Variants in FMN1 observed in about 807,000 individuals in gnomAD.
The protein encoded by FMN1 is formin-1.
In FMN1, 110 loss-of-function variants were observed where a neutral mutation model predicts 132.4. That is an observed-to-expected ratio of 0.83 (90% CI 0.71 to 0.97). The LOEUF is 0.97. FMN1 is among the 50% of genes least tolerant of loss of function. The pLI is 0.00. For missense variants in FMN1, 1,792 were observed against 1,705.3 expected, an observed-to-expected ratio of 1.05 and a Z score of -0.90; for synonymous variants, 722 against 651.7, an observed-to-expected ratio of 1.11 and a Z score of -1.64.
intron 15 of FMN1, among the ~76,000 whole-genome samples, chr15:32,891,858 G>T (rs1412081612): frequency 1.3e-5 from 2 of 151,994 alleles, no homozygotes; most frequent in East Asian, 3.9e-4. Context: ...TTCTCTGCTT[G>T]GTCACTGTCG....
intron 3 of FMN1, among the ~76,000 whole-genome samples, chr15:33,165,475 C>T (rs1965064573): frequency 6.6e-6 from 1 of 152,328 alleles, no homozygotes; most frequent in South Asian, 2.1e-4. Context: ...ACTGCAAGCT[C>T]CGCCTCCCGG....
At chr15:32,884,542 T>C (rs892010707) in intron 16 of FMN1, among the ~76,000 whole-genome samples, 1 of 152,206 alleles carries the variant, frequency 6.6e-6, no homozygotes. Flanking sequence ...CTTTTTGCCA[T>C]GTAAGGCAAC....
intron 4 of FMN1, among the ~76,000 whole-genome samples, chr15:33,121,407 A>C (rs1962540512): frequency 6.6e-6 from 1 of 152,226 alleles, no homozygotes; most frequent in East Asian, 1.9e-4. Context: ...AATTGAGAGC[A>C]CAAAGGGAGA....
chr15:32,780,590 A>G (rs2056631613), intron 19 of FMN1, among the ~76,000 whole-genome samples: 1 of 152,128 alleles, frequency 6.6e-6, no homozygotes, highest in African/African-American at 2.4e-5. Context: ...TACTTTCCTG[A>G]TAAACTTGCT....
chr15:33,031,571 G>T (rs1489982809), intron 6 of FMN1, among the ~76,000 whole-genome samples: 1 of 152,062 alleles, frequency 6.6e-6, no homozygotes, highest in Non-Finnish European at 1.5e-5. Flanking sequence ...TCTTCCAGTT[G>T]TCATCATATG....
At chr15:33,124,848 AT>A (rs56689144) in intron 4 of FMN1, among the ~76,000 whole-genome samples, 43,833 of 146,592 alleles carry the variant, frequency 0.3, 7,006 homozygotes, top group East Asian at 0.64. Flanking sequence ...ATTTTTCTGC[AT>A]TTTTTTTTTT....
intron 15 of FMN1, among the ~76,000 whole-genome samples, chr15:32,890,682 T>G (rs1274578464): frequency 6.6e-6 from 1 of 152,226 alleles, no homozygotes; most frequent in African/African-American, 2.4e-5. Flanking sequence ...ATGTATAGAT[T>G]GTAAAGATTT....
At chr15:33,171,467 T>C (rs1019267441) in intron 3 of FMN1, among the ~76,000 whole-genome samples, 1 of 152,236 alleles carries the variant, frequency 6.6e-6, no homozygotes, top group African/African-American at 2.4e-5. Flanking sequence ...AATGTCACCA[T>C]GTATCCTATA....
intron 3 of FMN1, among the ~76,000 whole-genome samples, chr15:33,169,740 CTTTTTT>C (rs57083437): frequency 8.5e-6 from 1 of 117,910 alleles, no homozygotes; most frequent in South Asian, 2.7e-4. Flanking sequence ...TTTTCTTTTC[CTTTTTT>C]TTTTTTTTTT....
chr15:33,080,670 T>G (rs2038417076), intron 5 of FMN1, among the ~76,000 whole-genome samples: 1 of 152,064 alleles, frequency 6.6e-6, no homozygotes, highest in Non-Finnish European at 1.5e-5. Flanking sequence ...GCGGATCACC[T>G]GAGGTTGGGA....
Position 33,154,484 on chromosome 15 carries a change from G to A in FMN1, c.431C>T (p.Pro144Leu), listed in dbSNP as rs1182983413. 1 of 1,535,886 alleles carries A rather than the reference G, an allele frequency of 6.5e-7. No homozygotes were observed. The highest frequency in any genetic ancestry group is 8.7e-7 in the Non-Finnish European group (1 of 1,146,888). Residue 144 changes from proline to leucine, a missense_variant, in exon 4 of 21, where the codon CCC (proline) becomes CTC (leucine). This residue lies in a region of FMN1 where 638 missense variants were observed against 645.2 expected (regional missense o/e 0.99). Coordinates refer to ENST00000616417, the MANE Select transcript of FMN1 (RefSeq NM_001277313.2). The stretch of plus-strand genomic sequence containing the variant: ...GCTCCTCTTATTGAGAGGGCCCACG[G>A]GGAGCTCTCCCTGCCAGTCACCAGC... Reference protein sequence around the residue: ...QSAGDWQGELPVGPLNKRSTH... With the variant: ...QSAGDWQGELLVGPLNKRSTH...
chr15:32,937,696 G>GT (rs1447412185), intron 9 of FMN1, among the ~76,000 whole-genome samples: 1 of 152,250 alleles, frequency 6.6e-6, no homozygotes, highest in Non-Finnish European at 1.5e-5. Flanking sequence ...GGTAGTGAGA[G>GT]TAAGAGCAGA....
chr15:33,055,121 C>T (rs2037158157), intron 6 of FMN1, among the ~76,000 whole-genome samples: 1 of 152,124 alleles, frequency 6.6e-6, no homozygotes, highest in Non-Finnish European at 1.5e-5. Context: ...GACCTTAAGT[C>T]TGATAAACAT....
chr15:33,004,343 A>T (rs2034291093), intron 7 of FMN1, among the ~76,000 whole-genome samples: 1 of 152,238 alleles, frequency 6.6e-6, no homozygotes, highest in Admixed American at 6.5e-5. Flanking sequence ...AAACAAATTT[A>T]CAAGAAAAAA....
intron 10 of FMN1, among the ~76,000 whole-genome samples, chr15:32,924,406 A>G (rs1332162157): frequency 6.6e-6 from 1 of 152,194 alleles, no homozygotes; most frequent in Non-Finnish European, 1.5e-5. Flanking sequence ...CCTTGAATGG[A>G]AAAGTAGCAG....
intron 4 of FMN1, among the ~76,000 whole-genome samples, chr15:33,097,397 A>G (rs2039130071): frequency 6.6e-6 from 1 of 152,178 alleles, no homozygotes; most frequent in Admixed American, 6.5e-5. Flanking sequence ...AATTTGAAGA[A>G]AATTATTAAC....
chr15:32,768,617 C>T lies in FMN1; in HGVS notation c.*5693G>A, dbSNP rs904803838. The T allele has an allele frequency of 1.3e-5, 2 of 152,162 alleles. No individual in the cohort carries two copies. The highest frequency in any genetic ancestry group is 2.9e-5 in the Non-Finnish European group (2 of 68,030). The allele number at this position is 152,162 out of a possible 1,614,324, so 9.4% of individuals were successfully genotyped here. On this transcript the variant is annotated 3_prime_UTR_variant, in exon 21 of 21. Transcript: ENST00000616417. ...TGTGGTAGAGGTTGTTTAATCCATG[C>T]CAAATTCTTTGGACGTGATTTTCTG... is the stretch of plus-strand genomic sequence containing the variant.
intron 10 of FMN1, among the ~76,000 whole-genome samples, chr15:32,922,993 T>C (rs2060871089): frequency 6.6e-6 from 1 of 152,132 alleles, no homozygotes; most frequent in African/African-American, 2.4e-5. Flanking sequence ...ATTTTTTTTG[T>C]TGTTGTTGTA....
chr15:33,182,594 G>T (rs565974581), intron 2 of FMN1, among the ~76,000 whole-genome samples: 2 of 152,172 alleles, frequency 1.3e-5, no homozygotes, highest in Non-Finnish European at 2.9e-5. Flanking sequence ...GGACACCCTC[G>T]AAGTATACAA....
Sources: gnomAD v4.1 joint callset for allele counts (sites outside exome capture counted in the v4.1 genomes callset) on GRCh38, gnomAD v4.1.1 for gene constraint, gnomAD v4.1.1 regional missense constraint, MANE v1.5 for transcripts, NCBI Gene and HGNC (gene_info 2026-07-23, HGNC 2026-07-21) for gene names.